Variants in SRFBP1 observed in about 807,000 individuals in gnomAD.
SRFBP1 encodes the protein serum response factor-binding protein 1.
SRFBP1 carries 47 observed loss-of-function variants against 45.5 expected under a neutral mutation model. That is an observed-to-expected ratio of 1.03 (90% confidence interval 0.82 to 1.32). The LOEUF is 1.32. Ranked by LOEUF, SRFBP1 falls within the 40% of genes most tolerant of loss-of-function variation. The pLI is 0.00. For missense variants in SRFBP1, 621 were observed against 484.6 expected (o/e 1.28, Z -2.64); for synonymous variants, 203 against 166.3 (o/e 1.22, Z -1.70).
chr5:122,055,754 A>T (rs967195911), intron 2 of SRFBP1, among the ~76,000 whole-genome samples: 1 of 152,176 alleles, frequency 6.6e-6, no homozygotes, highest in Non-Finnish European at 1.5e-5. Context: ...ATTGTATTTA[A>T]TGGCGACATG....
At chr5:122,068,114 T>C (rs1009174975) in intron 2 of SRFBP1, among the ~76,000 whole-genome samples, 19 of 148,614 alleles carry the variant, frequency 1.3e-4, no homozygotes, top group African/African-American at 4.7e-4. Context: ...TGGTTTATAT[T>C]AGTTATAAAC....
At chr5:121,968,745 T>G (rs1263231111) in intron 1 of SRFBP1, among the ~76,000 whole-genome samples, 1 of 152,184 alleles carries the variant, frequency 6.6e-6, no homozygotes, top group African/African-American at 2.4e-5. Flanking sequence ...CAGTTTGCAT[T>G]TCTACCAGCA....
intron 2 of SRFBP1, chr5:122,074,305 G>C (rs1754550206): frequency 1.4e-6 from 1 of 690,160 alleles, no homozygotes; most frequent in Non-Finnish European, 2.4e-6. Context: ...TTCTAAAAGA[G>C]AGATTCATGC....
At chr5:121,993,042 G>A (rs1363064261) in intron 3 of SRFBP1, among the ~76,000 whole-genome samples, 4 of 152,036 alleles carry the variant, frequency 2.6e-5, no homozygotes, top group Non-Finnish European at 2.9e-5. Flanking sequence ...TTGACATTGG[G>A]TATTGCTAAT....
At chr5:121,986,347 G>A (rs949279533) in intron 3 of SRFBP1, among the ~76,000 whole-genome samples, 3 of 151,992 alleles carry the variant, frequency 2.0e-5, no homozygotes, top group African/African-American at 7.2e-5. Flanking sequence ...TGGGATTGAT[G>A]TAATTGGGAC....
intron 3 of SRFBP1, among the ~76,000 whole-genome samples, chr5:121,993,906 A>G (rs1177936638): frequency 1.3e-5 from 2 of 151,656 alleles, no homozygotes; most frequent in Non-Finnish European, 2.9e-5. Context: ...TTTCATTTCT[A>G]CTTTTTCATT....
chr5:122,006,676 C>G (rs1752981913), intron 4 of SRFBP1, among the ~76,000 whole-genome samples: 1 of 152,046 alleles, frequency 6.6e-6, no homozygotes, highest in African/African-American at 2.4e-5. Flanking sequence ...ATCAGTTCTG[C>G]TGTTGGTGTT....
rs575223462 is a variant in SRFBP1, at chr5:122,049,733, C to T, written n.312-25582C>T. Among the ~76,000 whole-genome samples, 43 of 152,196 alleles carry T rather than the reference C, an allele frequency of 2.8e-4. No homozygotes were observed. The South Asian group carries it at 7.1e-3, about 25-fold the overall frequency. ...CAGGATTAAGAAACTCACTCAAAAC[C>T]GCCAACTACATGGAAACTGAACAAC... On this transcript the variant is annotated intron_variant and non_coding_transcript_variant, in intron 2 of 2. Coordinates refer to the SRFBP1 transcript ENST00000504881.
intron 4 of SRFBP1, among the ~76,000 whole-genome samples, chr5:122,003,710 T>A (rs966227204): frequency 6.6e-6 from 1 of 152,210 alleles, no homozygotes; most frequent in Non-Finnish European, 1.5e-5. Context: ...CTCCACATCC[T>A]CTCCATCACT....
rs1462594558 is a variant in SRFBP1 at position 122,004,317 on chromosome 5, A to G, written c.270+9647A>G. ...AGTTGAGGTTTGTGTATGGTGTGACATAGTGGTCTAATTTTTTTTTCATGT... is the reference window on the plus strand; with the variant it reads ...AGTTGAGGTTTGTGTATGGTGTGACGTAGTGGTCTAATTTTTTTTTCATGT... On this transcript the variant is annotated intron_variant, in intron 4 of 7. Transcript: ENST00000339397. Among the ~76,000 whole-genome samples the G allele has an allele frequency of 3.3e-5, 5 of 152,250 alleles. No individual in the cohort carries two copies. In the South Asian group the frequency reaches 8.3e-4, roughly 25 times the overall value.
intron 3 of SRFBP1, among the ~76,000 whole-genome samples, chr5:121,977,277 TA>T (rs1262715091): frequency 6.6e-6 from 1 of 151,990 alleles, no homozygotes; most frequent in Non-Finnish European, 1.5e-5. Flanking sequence ...CTTAAATTCA[TA>T]AAATTCATAG....
rs955854778 is a variant in SRFBP1 at position 121,966,317 on chromosome 5, T to A, written c.36+4249T>A. On this transcript the variant is annotated intron_variant, in intron 1 of 7. Coordinates refer to ENST00000339397, the MANE Select transcript of SRFBP1 (RefSeq NM_152546.3). ...ACTCTTCTAAAAAATAAACCATCAC[T>A]TTTTACTCTATCCTGATGATTATTT... Among the ~76,000 whole-genome samples the A allele has an allele frequency of 1.2e-4, 18 of 152,238 alleles. No homozygotes were observed. In the South Asian group the frequency reaches 1.4e-3, roughly 12 times the overall value.
intron 4 of SRFBP1, among the ~76,000 whole-genome samples, chr5:122,009,518 A>C (rs1431212729): frequency 6.6e-6 from 1 of 152,188 alleles, no homozygotes; most frequent in Non-Finnish European, 1.5e-5. Flanking sequence ...GGGAGGTGGA[A>C]AATAAACATA....
chr5:121,975,312 C>T lies in SRFBP1; in HGVS notation c.126-3C>T. ...GCTACATATCGTAATGTATTTTTTG[C>T]AGGGGTACTGAAGATGCACTGTTAA... is the stretch of plus-strand genomic sequence containing the variant. On this transcript the variant is annotated splice_polypyrimidine_tract_variant and splice_region_variant and intron_variant, in intron 2 of 7. Coordinates refer to ENST00000339397, the MANE Select transcript of SRFBP1 (RefSeq NM_152546.3). 1.2e-6 allele frequency: 2 copies of T among 1,612,224 alleles called. No individual in the cohort carries two copies. The highest frequency in any genetic ancestry group is 8.5e-7 in the Non-Finnish European group (1 of 1,178,914).
intron 2 of SRFBP1, among the ~76,000 whole-genome samples, chr5:122,057,595 GA>G (rs928593682): frequency 5.3e-5 from 8 of 149,872 alleles, no homozygotes; most frequent in Non-Finnish European, 1.2e-4. Flanking sequence ...CCAAAGTGTT[GA>G]GATTGCTGGT....
chr5:122,077,359 C>T (rs1288015676), downstream of SRFBP1: 19 of 1,613,804 alleles, frequency 1.2e-5, no homozygotes, highest in Non-Finnish European at 1.5e-5. The surrounding 1 kb of genome is among the most constrained non-coding windows in gnomAD (Gnocchi z 4.9). Context: ...ACTTACCGTA[C>T]TGGAAGTAGC....
chr5:121,962,107 C>T, intron 1 of SRFBP1, 39 bp downstream of exon 1: 1 of 1,612,708 alleles, frequency 6.2e-7, no homozygotes, highest in South Asian at 1.1e-5. Context: ...CTTTAAGGGT[C>T]CTCAAAACCA....
chr5:122,041,066 C>T (rs975669664), intron 2 of SRFBP1, among the ~76,000 whole-genome samples: 7 of 152,054 alleles, frequency 4.6e-5, no homozygotes, highest in Admixed American at 2.6e-4. Context: ...ATTTGCTTTT[C>T]GAAAATATGC....
rs1029822835 is a variant in SRFBP1, at chr5:121,966,244, A to T, written c.36+4176A>T. Among the ~76,000 whole-genome samples, 10 of 152,356 alleles carry T rather than the reference A, an allele frequency of 6.6e-5. No homozygotes were observed. The South Asian group carries it at 1.2e-3, about 19-fold the overall frequency. ...CTAAGTATGTTGTAAAGAGATTAAGATTAAAGTTTGTTGTTATTCTTGCGA... is the reference window on the plus strand; with the variant it reads ...CTAAGTATGTTGTAAAGAGATTAAGTTTAAAGTTTGTTGTTATTCTTGCGA... On this transcript the variant is annotated intron_variant, in intron 1 of 7. Coordinates refer to ENST00000339397, the MANE Select transcript of SRFBP1 (RefSeq NM_152546.3).
Sources: allele counts gnomAD v4.1 joint callset (sites outside exome capture counted in the v4.1 genomes callset), GRCh38; gene constraint gnomAD v4.1.1; non-coding constraint Gnocchi (gnomAD v3.1); transcripts MANE v1.5; gene names NCBI Gene and HGNC (gene_info 2026-07-23, HGNC 2026-07-21).